LINGO2: variants seen among roughly 807,000 people sequenced by gnomAD.
The protein encoded by LINGO2 is leucine rich repeat and Ig domain containing 2, also known as leucine-rich repeat and immunoglobulin-like domain-containing nogo receptor-interacting protein 2.
In LINGO2, 14 loss-of-function variants were observed where a neutral mutation model predicts 30.6. The observed-to-expected ratio is 0.46, with a 90% confidence interval of 0.30 to 0.72. The LOEUF is 0.72. Ranked by LOEUF, LINGO2 falls within the 30% of genes least tolerant of loss-of-function variation. The pLI, the probability that LINGO2 is intolerant of heterozygous loss-of-function variation, is 0.07. For missense variants in LINGO2, 729 were observed against 751.7 expected (o/e 0.97, Z 0.35); for synonymous variants, 317 against 288.5 (o/e 1.10, Z -1.00).
At chr9:28,185,506 C>T (rs1819509997) in intron 4 of LINGO2, among the ~76,000 whole-genome samples, 1 of 152,038 alleles carries the variant, frequency 6.6e-6, no homozygotes, top group Non-Finnish European at 1.5e-5. Context: ...CAGTACATGT[C>T]ATAAATGGCT....
At chr9:28,194,717 A>G (rs1050485190) in intron 4 of LINGO2, among the ~76,000 whole-genome samples, 1 of 151,912 alleles carries the variant, frequency 6.6e-6, no homozygotes. Flanking sequence ...ATAAAAACAC[A>G]CCTGCCAATG....
At chr9:28,045,124 G>C (rs1355940165) in intron 4 of LINGO2, among the ~76,000 whole-genome samples, 2 of 151,702 alleles carry the variant, frequency 1.3e-5, no homozygotes, top group Non-Finnish European at 2.9e-5. Context: ...CCATCCTTAT[G>C]ATCCCACATA....
At chr9:28,590,054 A>T (rs142885394) in intron 1 of LINGO2, among the ~76,000 whole-genome samples, 1,994 of 152,260 alleles carry the variant, frequency 0.013, 42 homozygotes, top group African/African-American at 0.045. Flanking sequence ...AGCAATGGGG[A>T]AAGGAATCCC....
chr9:29,082,790 C>A, the LINGO2 span, among the ~76,000 whole-genome samples: 5 of 152,286 alleles, frequency 3.3e-5, no homozygotes, highest in Non-Finnish European at 5.9e-5. Context: ...ACAGACACTT[C>A]TCAAAAGAAG....
intron 1 of LINGO2, among the ~76,000 whole-genome samples, chr9:28,601,352 AG>A (rs757525378): frequency 4.6e-4 from 70 of 152,166 alleles, no homozygotes; most frequent in Non-Finnish European, 7.2e-4. Context: ...TCAACCCAGC[AG>A]GCAGCCAGGT....
chr9:28,324,142 G>GC (rs1587467594), intron 3 of LINGO2, among the ~76,000 whole-genome samples: 1 of 152,144 alleles, frequency 6.6e-6, no homozygotes, highest in Admixed American at 6.5e-5. Context: ...CATGAAGCAA[G>GC]CAAGTTTAGG....
intron 2 of LINGO2, among the ~76,000 whole-genome samples, chr9:28,385,723 A>C (rs1371324928): frequency 6.6e-6 from 1 of 152,156 alleles, no homozygotes; most frequent in African/African-American, 2.4e-5. Flanking sequence ...TGATAATGGA[A>C]AAATATATGT....
intron 5 of LINGO2, among the ~76,000 whole-genome samples, chr9:27,976,825 G>T (rs1376575406): frequency 6.6e-6 from 1 of 152,086 alleles, no homozygotes; most frequent in East Asian, 1.9e-4. Context: ...TTGAGTAGAT[G>T]CCAGGCTGGG....
chr9:28,578,690 C>A lies in LINGO2; in HGVS notation c.-365+91510G>T, dbSNP rs549974180. On this transcript the variant is annotated intron_variant, in intron 1 of 5. Transcript: ENST00000379992. ...AGTTATAAATTCTGCTAAAACCAAC[C>A]ACTTCACTCTACGTACAAAGATCAA... Among the ~76,000 whole-genome samples, 25 of 152,136 alleles carry A rather than the reference C, an allele frequency of 1.6e-4. No homozygotes were observed. In the South Asian group the frequency reaches 5.0e-3, roughly 30 times the overall value.
At chr9:28,787,312 A>G in the LINGO2 span, among the ~76,000 whole-genome samples, 1 of 152,188 alleles carries the variant, frequency 6.6e-6, no homozygotes, top group African/African-American at 2.4e-5. Context: ...AACTTGCATG[A>G]TATTATATTC....
intron 1 of LINGO2, among the ~76,000 whole-genome samples, chr9:28,641,490 A>G (rs181553741): frequency 4.4e-4 from 67 of 152,294 alleles, no homozygotes; most frequent in East Asian, 3.1e-3. Flanking sequence ...ATAGCCCAAT[A>G]TACCATTGCT....
At chr9:28,168,487 G>T (rs543512116) in intron 4 of LINGO2, among the ~76,000 whole-genome samples, 2 of 152,302 alleles carry the variant, frequency 1.3e-5, no homozygotes, top group Admixed American at 1.3e-4. Flanking sequence ...CCAACTTCAT[G>T]TGTTTGTTAA....
chr9:28,340,429 G>C (rs542616047), intron 3 of LINGO2, among the ~76,000 whole-genome samples: 2 of 152,090 alleles, frequency 1.3e-5, no homozygotes, highest in South Asian at 4.2e-4. Context: ...TTTCTGGATG[G>C]GGTATAAAAT....
chr9:28,914,755 G>A, the LINGO2 span, among the ~76,000 whole-genome samples: 24 of 152,290 alleles, frequency 1.6e-4, no homozygotes, highest in African/African-American at 5.3e-4. Flanking sequence ...AATCCCTCCT[G>A]TATGACAAGG....
the LINGO2 span, among the ~76,000 whole-genome samples, chr9:29,073,155 G>GA: frequency 1.3e-5 from 2 of 151,606 alleles, no homozygotes; most frequent in South Asian, 2.1e-4. Flanking sequence ...TATTAGAAAA[G>GA]AAAAAAATAT....
chr9:28,265,156 A>G (rs1822701880), intron 4 of LINGO2, among the ~76,000 whole-genome samples: 1 of 149,844 alleles, frequency 6.7e-6, no homozygotes, highest in Non-Finnish European at 1.5e-5. Context: ...ATATGTGTAT[A>G]TACACAACAA....
At chr9:28,742,173 C>T in the LINGO2 span, among the ~76,000 whole-genome samples, 1 of 151,938 alleles carries the variant, frequency 6.6e-6, no homozygotes. Context: ...CTTATCTCTC[C>T]TTCCCTCATG....
intron 4 of LINGO2, among the ~76,000 whole-genome samples, chr9:28,257,809 T>C (rs1822431445): frequency 6.6e-6 from 1 of 151,930 alleles, no homozygotes; most frequent in South Asian, 2.1e-4. Context: ...GGGTTTAATT[T>C]GTTGGTCTGT....
intron 4 of LINGO2, among the ~76,000 whole-genome samples, chr9:28,038,078 G>C (rs1414734959): frequency 6.6e-6 from 1 of 152,184 alleles, no homozygotes; most frequent in African/African-American, 2.4e-5. Context: ...TTTTTAATAA[G>C]ATTTTATGAA....
Sources: allele counts gnomAD v4.1 joint callset (sites outside exome capture counted in the v4.1 genomes callset), GRCh38; gene constraint gnomAD v4.1.1; transcripts MANE v1.5; gene names NCBI Gene and HGNC (gene_info 2026-07-23, HGNC 2026-07-21).